Variants in GMPR observed in about 807,000 individuals in gnomAD.
GMPR encodes the protein guanosine monophosphate reductase, also known as GMP reductase 1.
In GMPR, 31 loss-of-function variants were observed where a neutral mutation model predicts 38.4. The observed-to-expected ratio is 0.81, with a 90% CI of 0.61 to 1.09. The LOEUF (loss-of-function observed/expected upper bound fraction) is 1.09. Among genes scored for constraint, GMPR ranks in the 50% least tolerant of loss-of-function variants. The pLI is 0.00. For synonymous variants in GMPR, 162 were observed against 173.3 expected (o/e 0.93, Z 0.51); for missense variants, 468 against 453.7 (o/e 1.03, Z -0.29).
At chr6:16,252,796 T>C (rs554494219) in intron 3 of GMPR, among the ~76,000 whole-genome samples, 1 of 152,252 alleles carries the variant, frequency 6.6e-6, no homozygotes, top group East Asian at 1.9e-4. Context: ...CTTGTGTGGA[T>C]TGGGCTGGCA....
chr6:16,288,359 G>A (rs962005146), intron 7 of GMPR, among the ~76,000 whole-genome samples: 5 of 152,314 alleles, frequency 3.3e-5, no homozygotes, highest in African/African-American at 9.6e-5. Flanking sequence ...GCGGCCGGCT[G>A]GCCCTGCCGG....
At chr6:16,241,202 A>G (rs1382000530) in intron 1 of GMPR, among the ~76,000 whole-genome samples, 3 of 152,192 alleles carry the variant, frequency 2.0e-5, no homozygotes, top group Non-Finnish European at 4.4e-5. Context: ...GTACAGAGCC[A>G]GGAAAGAGAA....
intron 8 of GMPR, among the ~76,000 whole-genome samples, chr6:16,293,715 T>A (rs1422936545): frequency 6.6e-6 from 1 of 152,162 alleles, no homozygotes; most frequent in Non-Finnish European, 1.5e-5. Flanking sequence ...GGAGAATTGC[T>A]TGAACCCAGG....
chr6:16,238,622 G>C lies in GMPR; in HGVS notation c.-72G>C. ...CCGGCCGCGGCACAGCAGCCCCGGC[G>C]CTCCCCGCGCCGCCCCGCGCAGGCG... On this transcript the variant is annotated 5_prime_UTR_variant, in exon 1 of 9. Coordinates refer to ENST00000259727, the MANE Select transcript of GMPR (RefSeq NM_006877.4). The C allele has an allele frequency of 4.1e-6, 2 of 482,374 alleles. No individual in the cohort carries two copies. The highest frequency in any genetic ancestry group is 5.6e-6 in the Non-Finnish European group (2 of 355,836). The allele number at this position is 482,374 out of a possible 1,614,324, so 29.9% of individuals were successfully genotyped here. A position where few individuals can be genotyped will look rare whatever the true frequency, so the allele number is the denominator to read the frequency against.
intron 4 of GMPR, among the ~76,000 whole-genome samples, chr6:16,273,301 A>G (rs1561830380): frequency 6.6e-6 from 1 of 152,258 alleles, no homozygotes; most frequent in Non-Finnish European, 1.5e-5. Context: ...TGGAATGAGT[A>G]AGGATTCATT....
intron 3 of GMPR, among the ~76,000 whole-genome samples, chr6:16,250,877 T>TAA (rs879777724): frequency 1.5e-5 from 2 of 135,838 alleles, no homozygotes; most frequent in Non-Finnish European, 1.6e-5. Context: ...GGTCTCTTTT[T>TAA]AAAAAAAAAA....
chr6:16,245,753 G>A (rs1270539731), intron 1 of GMPR, among the ~76,000 whole-genome samples: 1 of 152,212 alleles, frequency 6.6e-6, no homozygotes, highest in Admixed American at 6.5e-5. Flanking sequence ...TAGGGTGAGG[G>A]TCGGAGGGAG....
intron 6 of GMPR, among the ~76,000 whole-genome samples, chr6:16,281,661 C>G (rs1448854989): frequency 7.3e-6 from 1 of 137,456 alleles, no homozygotes; most frequent in Non-Finnish European, 1.5e-5. Context: ...CGCGCCACCA[C>G]GCTCAGCCCA....
chr6:16,281,740 C>T (rs1485243142), intron 6 of GMPR, among the ~76,000 whole-genome samples: 8 of 151,894 alleles, frequency 5.3e-5, no homozygotes, highest in Non-Finnish European at 8.8e-5. Context: ...GAACTCCTGA[C>T]CTCATGATCC....
At chr6:16,251,629 G>A (rs1446082842) in intron 3 of GMPR, among the ~76,000 whole-genome samples, 1 of 152,220 alleles carries the variant, frequency 6.6e-6, no homozygotes, top group East Asian at 1.9e-4. Flanking sequence ...TCTAGGAAAT[G>A]TCCAGAATAG....
intron 1 of GMPR, 85 bp downstream of exon 1, chr6:16,238,865 G>C: frequency 1.7e-6 from 1 of 598,266 alleles, no homozygotes; most frequent in Non-Finnish European, 2.7e-6. Flanking sequence ...GGTGGCACCG[G>C]GTTACCCTGC....
Position 16,274,402 on chromosome 6 carries a change from C to T in GMPR, c.466-13C>T. The T allele has an allele frequency of 6.5e-7, 1 of 1,530,050 alleles. No individual in the cohort carries two copies. The highest frequency in any genetic ancestry group is 9.1e-7 in the Non-Finnish European group (1 of 1,103,390). The allele number at this position is 1,530,050 out of a possible 1,614,324, so 94.8% of individuals were successfully genotyped here. On this transcript the variant is annotated splice_polypyrimidine_tract_variant and intron_variant, in intron 4 of 8. Coordinates refer to ENST00000259727, the MANE Select transcript of GMPR (RefSeq NM_006877.4). ...GTAGTTCATGATCATCAGCTGTATT[C>T]TTTCTGTCTCAGGCAGGGAACGTGG... is the stretch of plus-strand genomic sequence containing the variant.
chr6:16,239,422 C>T (rs938537284), intron 1 of GMPR, among the ~76,000 whole-genome samples: 15 of 152,162 alleles, frequency 9.9e-5, no homozygotes, highest in Admixed American at 8.5e-4. Flanking sequence ...AAGCCTCGGG[C>T]ATTTCCCTGG....
intron 2 of GMPR, 150 bp downstream of exon 2, chr6:16,247,111 G>T: frequency 1.4e-6 from 1 of 704,522 alleles, no homozygotes. Context: ...ATCAGAAAGT[G>T]GACGGTGTCT....
At chr6:16,250,452 G>T in intron 3 of GMPR, 85 bp downstream of exon 3, 1 of 815,362 alleles carries the variant, frequency 1.2e-6, no homozygotes. Context: ...TCAGTCAGTA[G>T]CAGAGAGACA....
chr6:16,247,028 C>A (rs145730255), intron 2 of GMPR, 67 bp downstream of exon 2: 6 of 1,480,996 alleles, frequency 4.1e-6, no homozygotes, highest in Non-Finnish European at 5.6e-6. Flanking sequence ...CAGGAGCCGA[C>A]CCTGGCTTTA....
At chr6:16,268,233 G>T (rs1220287519) in intron 4 of GMPR, among the ~76,000 whole-genome samples, 1 of 152,192 alleles carries the variant, frequency 6.6e-6, no homozygotes, top group Non-Finnish European at 1.5e-5. Flanking sequence ...CATGGCTGTT[G>T]CCTGGATAGC....
chr6:16,290,423 T>A, intron 7 of GMPR, 39 bp from the exon 8 acceptor site: 1 of 1,599,590 alleles, frequency 6.3e-7, no homozygotes, highest in South Asian at 1.1e-5. Context: ...TGAGCTGTTT[T>A]CTCTGCTACT....
At chr6:16,243,098 AACAG>A (rs1171819662) in intron 1 of GMPR, among the ~76,000 whole-genome samples, 1 of 152,166 alleles carries the variant, frequency 6.6e-6, no homozygotes, top group Non-Finnish European at 1.5e-5. Flanking sequence ...TTCAACCCAT[AACAG>A]ACAGCCTTTG....
Sources: allele counts gnomAD v4.1 joint callset (sites outside exome capture counted in the v4.1 genomes callset), GRCh38; gene constraint gnomAD v4.1.1; transcripts MANE v1.5; gene names NCBI Gene and HGNC (gene_info 2026-07-23, HGNC 2026-07-21).